The following PPHLN1 variants were observed in gnomAD, a reference collection of about 807,000 sequenced individuals.
PPHLN1 encodes periphilin 1, also known as periphilin-1.
Under a neutral mutation model 51.3 loss-of-function variants are expected in PPHLN1, and 29 were observed. The ratio of observed to expected loss-of-function variants is 0.57; its 90% CI spans 0.42 to 0.77. The LOEUF is 0.77. Among genes scored for constraint, PPHLN1 ranks in the 30% least tolerant of loss-of-function variants. PPHLN1 has a pLI of 0.00. For synonymous variants in PPHLN1, 147 were observed against 147.8 expected (o/e 0.99, Z 0.04); for missense variants, 436 against 438.4 (o/e 0.99, Z 0.05).
intron 1 of PPHLN1, among the ~76,000 whole-genome samples, chr12:42,328,855 A>G (rs1038959480): frequency 1.3e-5 from 2 of 151,926 alleles, no homozygotes; most frequent in South Asian, 2.1e-4. Context: ...AATTACAGGC[A>G]TGTCCCACCA....
intron 9 of PPHLN1, among the ~76,000 whole-genome samples, chr12:42,411,278 G>A (rs1304641039): frequency 1.3e-5 from 2 of 151,862 alleles, no homozygotes; most frequent in Non-Finnish European, 1.5e-5. Flanking sequence ...AGCTTTTAGA[G>A]TACAAGTGGC....
intron 1 of PPHLN1, among the ~76,000 whole-genome samples, chr12:42,335,349 TTGAG>T (rs1458238076): frequency 6.6e-6 from 1 of 152,158 alleles, no homozygotes; most frequent in African/African-American, 2.4e-5. Context: ...TCAGGGATTG[TTGAG>T]TGTGTTTTTG....
At chr12:42,448,280 TAC>T (rs1025606240), downstream of PPHLN1, 1 of 152,618 alleles carries the variant, frequency 6.6e-6, no homozygotes, top group Non-Finnish European at 1.5e-5. Context: ...TTCCCCAAAT[TAC>T]AGTCAGCATT....
chr12:42,408,875 G>A (rs192429462), intron 9 of PPHLN1, among the ~76,000 whole-genome samples: 308 of 152,232 alleles, frequency 2.0e-3, no homozygotes, highest in African/African-American at 7.2e-3. Flanking sequence ...TCCTTGTATT[G>A]TAAATTACAG....
intron 4 of PPHLN1, among the ~76,000 whole-genome samples, chr12:42,372,837 T>C (rs1002814440): frequency 2.0e-5 from 3 of 152,186 alleles, no homozygotes; most frequent in African/African-American, 7.2e-5. Context: ...CTCACCTGCA[T>C]CCTCATTTCT....
intron 5 of PPHLN1, among the ~76,000 whole-genome samples, chr12:42,376,436 T>C (rs1438319511): frequency 6.6e-6 from 1 of 152,150 alleles, no homozygotes; most frequent in Non-Finnish European, 1.5e-5. Context: ...AAACATATTT[T>C]TGGATACAGG....
At chr12:42,334,059 C>T (rs1220966440) in intron 1 of PPHLN1, among the ~76,000 whole-genome samples, 2 of 152,052 alleles carry the variant, frequency 1.3e-5, no homozygotes, top group Admixed American at 1.3e-4. Context: ...TACTATTTCT[C>T]TGTACTGTAT....
At chr12:42,421,347 T>C (rs529570278) in intron 9 of PPHLN1, among the ~76,000 whole-genome samples, 1 of 150,380 alleles carries the variant, frequency 6.6e-6, no homozygotes, top group South Asian at 2.1e-4. Flanking sequence ...ATTTTATTGA[T>C]TGATTGATTG....
intron 9 of PPHLN1, chr12:42,431,566 G>A (rs776646424): frequency 6.9e-5 from 42 of 606,786 alleles, no homozygotes; most frequent in Non-Finnish European, 1.1e-4. Flanking sequence ...CTGAAAGTGC[G>A]ATGCAAAGAC....
intron 4 of PPHLN1, among the ~76,000 whole-genome samples, chr12:42,373,073 A>G (rs553489085): frequency 6.6e-6 from 1 of 152,182 alleles, no homozygotes; most frequent in Non-Finnish European, 1.5e-5. Context: ...TAGTCTCTCT[A>G]CATCCATTCT....
rs146214682 is a variant in PPHLN1, at chr12:42,427,474, C to G, written c.910-13841C>G. Among the ~76,000 whole-genome samples, 1,155 of 152,238 alleles carry G rather than the reference C, an allele frequency of 7.6e-3. 40 individuals carry two copies. In the East Asian group the frequency reaches 0.11, roughly 14 times the overall value. On this transcript the variant is annotated intron_variant, in intron 9 of 9. Coordinates refer to ENST00000358314, the MANE Select transcript of PPHLN1 (RefSeq NM_201439.2). ...ACCCAGAAATTAACCCAAATACTTACAGCCAACTGATCTTCGACAAAGCAA... is the reference window on the plus strand; with the variant it reads ...ACCCAGAAATTAACCCAAATACTTAGAGCCAACTGATCTTCGACAAAGCAA...
At chr12:42,406,696 A>T (rs1376762062) in intron 9 of PPHLN1, among the ~76,000 whole-genome samples, 1 of 151,758 alleles carries the variant, frequency 6.6e-6, no homozygotes, top group African/African-American at 2.4e-5. Flanking sequence ...TGTTGTGGAT[A>T]TTTTTCCCAT....
downstream of PPHLN1, chr12:42,447,696 C>A (rs1054199705): frequency 6.6e-6 from 1 of 152,144 alleles, no homozygotes; most frequent in Admixed American, 6.5e-5. Flanking sequence ...TGAATTCTGG[C>A]ATTATTTTTA....
rs769196260 is a variant in PPHLN1, at chr12:42,335,907, G to C, written c.5G>C (p.Trp2Ser). 6.3e-7 allele frequency: 1 copy of C among 1,578,492 alleles called. No homozygotes were observed. Among genetic ancestry groups the C allele is most frequent in the South Asian group, 1.2e-5 (1 of 85,124 alleles). The part of the protein sequence containing the change: M[W>S]SEGRYEYERI... Reference sequence around the variant, plus strand: ...GTGGCTTACAGAAGAGACGAAATGTGGTCTGAGGGACGATATGAATATGAA... The same window carrying C: ...GTGGCTTACAGAAGAGACGAAATGTCGTCTGAGGGACGATATGAATATGAA... The change falls in exon 2 of 10, where the codon TGG becomes TCG. Residue 2 changes from tryptophan to serine, a missense_variant. By Grantham distance (177) the Trp-to-Ser change is radical. Coordinates refer to ENST00000358314, the MANE Select transcript of PPHLN1 (RefSeq NM_201439.2).
chr12:42,440,979 GAT>G (rs2082899306), intron 9 of PPHLN1, among the ~76,000 whole-genome samples: 1 of 152,234 alleles, frequency 6.6e-6, no homozygotes, highest in African/African-American at 2.4e-5. Context: ...CAAAGTCATT[GAT>G]ATGTCTTCCC....
chr12:42,388,121 C>T (rs2077349005), intron 7 of PPHLN1, among the ~76,000 whole-genome samples: 1 of 152,172 alleles, frequency 6.6e-6, no homozygotes, highest in Admixed American at 6.5e-5. Context: ...TGACCATCCC[C>T]CAGCCCAACA....
intron 7 of PPHLN1, among the ~76,000 whole-genome samples, chr12:42,387,780 GA>G (rs1006872589): frequency 3.1e-4 from 47 of 152,150 alleles, no homozygotes; most frequent in African/African-American, 1.1e-3. Context: ...GAAGACATAA[GA>G]AACTCCATTT....
intron 9 of PPHLN1, 155 bp downstream of exon 9, chr12:42,399,149 A>G: frequency 7.1e-7 from 1 of 1,413,810 alleles, no homozygotes; most frequent in Non-Finnish European, 9.2e-7. Context: ...TTGACTTCAC[A>G]GTCAGTTTGA....
chr12:42,425,733 G>A (rs1438582992), intron 9 of PPHLN1, among the ~76,000 whole-genome samples: 2 of 152,142 alleles, frequency 1.3e-5, no homozygotes, highest in East Asian at 3.8e-4. Context: ...GTTAATATGT[G>A]CATCATGGGT....
Sources: allele counts gnomAD v4.1 joint callset (sites outside exome capture counted in the v4.1 genomes callset), GRCh38; gene constraint gnomAD v4.1.1; transcripts MANE v1.5; gene names NCBI Gene and HGNC (gene_info 2026-07-23, HGNC 2026-07-21).